Variants in ZNF558 observed in about 807,000 individuals in gnomAD.
The protein encoded by ZNF558 is zinc finger protein 558.
ZNF558 carries 23 observed loss-of-function variants against 37.6 expected under a neutral mutation model. That is an observed-to-expected ratio of 0.61 (90% CI 0.44 to 0.87). The LOEUF is 0.87. Ranked by LOEUF, ZNF558 falls within the 40% of genes least tolerant of loss-of-function variation. The pLI, the probability that ZNF558 is intolerant of heterozygous loss-of-function variation, is 0.00. For missense variants in ZNF558, 429 were observed against 483.7 expected, an observed-to-expected ratio of 0.89 and a Z score of 1.06; for synonymous variants, 189 against 174.4, an observed-to-expected ratio of 1.08 and a Z score of -0.66.
At chr19:8,817,119 A>G (rs905215226) in intron 7 of ZNF558, among the ~76,000 whole-genome samples, 13 of 152,246 alleles carry the variant, frequency 8.5e-5, no homozygotes, top group African/African-American at 3.1e-4. Flanking sequence ...ATGATATGAC[A>G]CGTAGAAAAA....
intron 6 of ZNF558, 131 bp downstream of exon 6, chr19:8,821,872 A>G: frequency 6.6e-7 from 1 of 1,525,874 alleles, no homozygotes; most frequent in Non-Finnish European, 8.8e-7. Context: ...CTCACCCTCC[A>G]TCTGATGCCT....
chr19:8,827,571 C>CTTT lies in ZNF558; in HGVS notation c.-508-2466_-508-2464dup, dbSNP rs386388513. Among the ~76,000 whole-genome samples the CTTT allele has an allele frequency of 8.1e-3, 758 of 93,988 alleles. 9 individuals are homozygous for CTTT. Among genetic ancestry groups the CTTT allele is most frequent in the East Asian group, 0.015 (40 of 2,694 alleles). 61.7% of individuals were successfully genotyped at this position (93,988 alleles called of 152,430 possible). On this transcript the variant is annotated intron_variant, in intron 2 of 9. Coordinates refer to ENST00000601372, the MANE Select transcript of ZNF558 (RefSeq NM_144693.3). ...TCTTGGTCACACTTCTTTCCCTATTCTTTTTTTTTTTTTTTTTTTTTTTTG... is the reference window on the plus strand; with the variant it reads ...TCTTGGTCACACTTCTTTCCCTATTCTTTTTTTTTTTTTTTTTTTTTTTTTTTG...
chr19:8,826,639 A>G (rs535186929), intron 2 of ZNF558, among the ~76,000 whole-genome samples: 8 of 152,178 alleles, frequency 5.3e-5, no homozygotes, highest in African/African-American at 1.7e-4. Flanking sequence ...CTCACCTGCC[A>G]CTCACATCTT....
chr19:8,817,974 C>G (rs1460612310), intron 7 of ZNF558, among the ~76,000 whole-genome samples: 2 of 152,090 alleles, frequency 1.3e-5, no homozygotes, highest in African/African-American at 4.8e-5. Context: ...AAACAATAAA[C>G]TAACTAGACC....
chr19:8,836,283 A>G (rs1330192272), upstream of ZNF558, among the ~76,000 whole-genome samples: 1 of 152,176 alleles, frequency 6.6e-6, no homozygotes, highest in Admixed American at 6.5e-5. Context: ...TTCTTCCTCA[A>G]AATAATAGAA....
At chr19:8,828,497 T>G (rs1157932584) in intron 2 of ZNF558, among the ~76,000 whole-genome samples, 1 of 152,228 alleles carries the variant, frequency 6.6e-6, no homozygotes, top group East Asian at 1.9e-4. Flanking sequence ...AAACAAAGCT[T>G]CTTTTCTTTA....
At chr19:8,821,010 T>C (rs1568469486) in intron 7 of ZNF558, among the ~76,000 whole-genome samples, 170 bp downstream of exon 7, 2 of 152,106 alleles carry the variant, frequency 1.3e-5, no homozygotes, top group African/African-American at 2.4e-5. Flanking sequence ...GTGTTGATGG[T>C]TGCACAATAC....
At chr19:8,831,256 A>C (rs982814387) in intron 2 of ZNF558, 62 bp downstream of exon 2, 7 of 152,206 alleles carry the variant, frequency 4.6e-5, no homozygotes, top group African/African-American at 1.7e-4. Context: ...AAAGCCCACG[A>C]GGAGTTCTTC....
chr19:8,811,659 G>A lies in ZNF558; in HGVS notation c.831C>T (p.Ser277=). 6.2e-7 allele frequency: 1 copy of A among 1,614,150 alleles called. No individual in the cohort carries two copies. Among genetic ancestry groups the A allele is most frequent in the Middle Eastern group, 1.6e-4 (1 of 6,062 alleles). ...NQCGKAFSTR[S]SLTGHNSIHT... The stretch of plus-strand genomic sequence containing the variant: ...GAATGCTATTGTGCCCAGTGAGAGA[G>A]GACCTTGTGCTGAAAGCTTTTCCAC... The change falls in exon 10 of 10, where the codon TCC becomes TCT. Residue 277 remains serine, a synonymous_variant. Coordinates refer to ENST00000601372, the MANE Select transcript of ZNF558 (RefSeq NM_144693.3).
In ZNF558 at chr19:8,811,139, T is replaced by C. The variant is rs1454035370; in HGVS notation, c.*142A>G. ...TGTAGAAATTGTTAGAGAATAAACATTTCGTGTTTGAAGCCACAAAATTTG... is the reference window on the plus strand; with the variant it reads ...TGTAGAAATTGTTAGAGAATAAACACTTCGTGTTTGAAGCCACAAAATTTG... On this transcript the variant is annotated 3_prime_UTR_variant, in exon 10 of 10. Transcript: ENST00000601372. The C allele has an allele frequency of 1.5e-5, 11 of 738,448 alleles. No homozygotes were observed. In the East Asian group the frequency reaches 3.0e-4, roughly 20 times the overall value. The allele number at this position is 738,448 out of a possible 1,614,324, so 45.7% of individuals were successfully genotyped here.
At chr19:8,821,819 CCTGCAGTAA>C in intron 6 of ZNF558, 175 bp downstream of exon 6, 1 of 1,430,468 alleles carries the variant, frequency 7.0e-7, no homozygotes, top group Non-Finnish European at 9.2e-7. Flanking sequence ...GAGCTCTGAA[CCTGCAGTAA>C]ATGTTGACAC....
At chr19:8,836,664 G>A (rs2044459237), upstream of ZNF558, among the ~76,000 whole-genome samples, 1 of 152,018 alleles carries the variant, frequency 6.6e-6, no homozygotes, top group Non-Finnish European at 1.5e-5. Flanking sequence ...GCTAGTTTTT[G>A]TATTTTTTAT....
At chr19:8,832,744 A>T (rs1321868127), upstream of ZNF558, among the ~76,000 whole-genome samples, 1 of 147,542 alleles carries the variant, frequency 6.8e-6, no homozygotes, top group Non-Finnish European at 1.5e-5. Context: ...AGGCTTCTAG[A>T]GCGGGGATGA....
intron 9 of ZNF558, 27 bp from the exon 10 acceptor site, chr19:8,812,090 T>A (rs1555768472): frequency 6.8e-7 from 1 of 1,469,838 alleles, no homozygotes; most frequent in African/African-American, 1.4e-5. Flanking sequence ...GAATGATAAC[T>A]ATAATTTATA....
chr19:8,821,672 C>T (rs187246165), intron 6 of ZNF558: 17 of 1,304,466 alleles, frequency 1.3e-5, no homozygotes, highest in Non-Finnish European at 2.0e-6. Context: ...TGGCAGAAAG[C>T]AGAGAAATAC....
intron 2 of ZNF558, among the ~76,000 whole-genome samples, chr19:8,826,378 G>C (rs1264711124): frequency 1.3e-5 from 2 of 151,690 alleles, no homozygotes; most frequent in African/African-American, 4.8e-5. Context: ...CCATAATATA[G>C]AGTCAGTGGG....
At chr19:8,829,382 A>G (rs1328818117) in intron 2 of ZNF558, among the ~76,000 whole-genome samples, 1 of 152,128 alleles carries the variant, frequency 6.6e-6, no homozygotes, top group East Asian at 1.9e-4. Flanking sequence ...AGCAACCCTC[A>G]ATATAGACAT....
intron 7 of ZNF558, among the ~76,000 whole-genome samples, chr19:8,820,016 A>C (rs763927887): frequency 6.6e-6 from 1 of 152,226 alleles, no homozygotes; most frequent in Non-Finnish European, 1.5e-5. Context: ...TTTTCCAAAG[A>C]AAAATACTCA....
intron 4 of ZNF558, among the ~76,000 whole-genome samples, chr19:8,823,425 T>C (rs906184813): frequency 3.3e-5 from 1 of 30,740 alleles, no homozygotes; most frequent in Non-Finnish European, 5.9e-5. Flanking sequence ...TCAGCCCCCC[T>C]CCTGCCTCGG....
Sources: gnomAD v4.1 joint callset for allele counts (sites outside exome capture counted in the v4.1 genomes callset) on GRCh38, gnomAD v4.1.1 for gene constraint, MANE v1.5 for transcripts, NCBI Gene and HGNC (gene_info 2026-07-23, HGNC 2026-07-21) for gene names.